VPS9D1: variants seen among roughly 807,000 people sequenced by gnomAD.
VPS9D1 encodes the protein VPS9 domain-containing protein 1.
In VPS9D1, 78 loss-of-function variants were observed where a neutral mutation model predicts 75.8. The observed-to-expected ratio is 1.03, with a 90% CI of 0.86 to 1.24. VPS9D1 has a LOEUF of 1.24. VPS9D1 is among the 50% of genes most tolerant of loss of function. The probability of loss-of-function intolerance (pLI) is 0.00; values close to 1 mark genes in which losing one functional copy is unlikely to be tolerated. For missense variants in VPS9D1, 1,057 were observed against 847.7 expected, an observed-to-expected ratio of 1.25 and a Z score of -3.07; for synonymous variants, 481 against 385.6, an observed-to-expected ratio of 1.25 and a Z score of -2.90.
At chr16:89,712,439 C>T (rs760120002) in intron 6 of VPS9D1, 21 bp downstream of exon 6, 1 of 1,612,384 alleles carries the variant, frequency 6.2e-7, no homozygotes, top group East Asian at 2.2e-5. Flanking sequence ...CGGGGACCAC[C>T]AGGGCGGTCA....
Position 89,708,527 on chromosome 16 carries a change from C to T in VPS9D1, c.1702G>A (p.Ala568Thr), listed in dbSNP as rs2060840750. The part of the protein sequence containing the change: ...PPPIAAAAIG[A>T]DDLLPILSFV... ...GACAGGATGGGCAGCAGGTCATCGG[C>T]ACCACTGTCGGGAGGGCATAGCGGC... Residue 568 changes from alanine to threonine, a missense_variant, in exon 14 of 15, where the codon GCC becomes ACC. Ala to Thr is a moderately conservative substitution (Grantham distance 58). Transcript: ENST00000389386. 1 of 1,612,670 alleles carries T rather than the reference C, an allele frequency of 6.2e-7. No homozygotes were observed. Among genetic ancestry groups the T allele is most frequent in the African/African-American group, 1.3e-5 (1 of 75,060 alleles).
chr16:89,718,389 C>T (rs1378033076), intron 2 of VPS9D1, among the ~76,000 whole-genome samples: 2 of 152,190 alleles, frequency 1.3e-5, no homozygotes, highest in African/African-American at 4.8e-5. Flanking sequence ...CCCAGTTCCA[C>T]CCAAGGCATG....
chr16:89,711,062 A>G, intron 9 of VPS9D1, 52 bp from the exon 10 acceptor site: 1 of 1,423,892 alleles, frequency 7.0e-7, no homozygotes, highest in Non-Finnish European at 9.2e-7. Flanking sequence ...TCTCCGTGGC[A>G]TCCACAGGTG....
rs373536871 is a variant in VPS9D1, at chr16:89,711,074, C to T, written c.834-64G>A. ...GCCTCTCCGTGGCATCCACAGGTGC[C>T]GCGCTATGCCCGGTTTCAGAGAAGC... On this transcript the variant is annotated intron_variant, in intron 9 of 14. Transcript: ENST00000389386. The T allele has an allele frequency of 1.6e-4, 230 of 1,408,276 alleles. No homozygotes were observed. In the African/African-American group the frequency reaches 3.1e-3, roughly 19 times the overall value. The allele number at this position is 1,408,276 out of a possible 1,614,324, so 87.2% of individuals were successfully genotyped here. A position where few individuals can be genotyped will look rare whatever the true frequency, so the allele number is the denominator to read the frequency against.
chr16:89,711,882 A>G lies in VPS9D1; in HGVS notation c.747T>C (p.His249=), dbSNP rs201251363. The change falls in exon 8 of 15, where the codon CAT becomes CAC. Residue 249 remains histidine (H), a splice_region_variant and synonymous_variant. Transcript: ENST00000389386. ...AAGCCTGGGCCCGTGGGGGACGCACATGGTCCTGTTCGTACTCCAGGATGG... is the reference window on the plus strand; with the variant it reads ...AAGCCTGGGCCCGTGGGGGACGCACGTGGTCCTGTTCGTACTCCAGGATGG... ...YAAILEYEQD[H]DWPKHWKAKL... is the part of the protein sequence containing the mutation. 1,431 of 1,550,402 alleles carry G rather than the reference A, an allele frequency of 9.2e-4. 7 individuals are homozygous for G. In the African/African-American group the frequency reaches 0.017, roughly 18 times the overall value.
At chr16:89,711,749 G>A in intron 8 of VPS9D1, 133 bp downstream of exon 8, 9 of 1,125,522 alleles carry the variant, frequency 8.0e-6, no homozygotes, top group South Asian at 1.6e-5. Context: ...CCTCCCACGG[G>A]CCTCTGGCCC....
At chr16:89,717,441 G>A (rs774924093) in intron 2 of VPS9D1, 14 of 405,248 alleles carry the variant, frequency 3.5e-5, no homozygotes, top group South Asian at 8.6e-5. Context: ...CTGCCTTCCC[G>A]TAGCTTGGCA....
At chr16:89,713,126 G>T (rs996635558) in intron 4 of VPS9D1, 2 of 154,736 alleles carry the variant, frequency 1.3e-5, no homozygotes, top group Admixed American at 6.5e-5. Context: ...AGTGAGCCGA[G>T]ATCTGGCCAC....
chr16:89,716,805 G>T lies in VPS9D1; in HGVS notation c.193C>A (p.Pro65Thr). The change falls in exon 3 of 15, where the codon CCC becomes ACC. Residue 65 changes from proline to threonine, a missense_variant. Coordinates refer to ENST00000389386, the MANE Select transcript of VPS9D1 (RefSeq NM_004913.3). ...TTCAGCATCTTGGAGGTGTCGGGGG[G>T]CACAGTTTCCCCAGCTTCTGGGGGA... ...ETTKEAGETV[P>T]PDTSKMLKLA... The T allele has an allele frequency of 6.3e-7, 1 of 1,592,524 alleles. No homozygotes were observed.
chr16:89,712,412 C>G lies in VPS9D1; in HGVS notation c.606+48G>C, dbSNP rs372199847. 6.0e-5 allele frequency: 97 copies of G among 1,609,052 alleles called. No individual in the cohort carries two copies. The African/African-American group carries it at 1.2e-3, about 21-fold the overall frequency. On this transcript the variant is annotated intron_variant, in intron 6 of 14. Transcript: ENST00000389386. ...CCCTTCTCTGCCCTTGGCTCAAGGC[C>G]ACACTGAGTTTCCCCTCGGGGACCA...
At chr16:89,711,050 C>G in intron 9 of VPS9D1, 40 bp from the exon 10 acceptor site, 2 of 1,431,262 alleles carry the variant, frequency 1.4e-6, no homozygotes, top group Non-Finnish European at 1.8e-6. Context: ...CCAGCCTCGG[C>G]CTCTCCGTGG....
chr16:89,712,992 C>T (rs929077022), intron 4 of VPS9D1: 4 of 268,028 alleles, frequency 1.5e-5, no homozygotes, highest in Admixed American at 1.0e-4. Context: ...CGAGACCAGC[C>T]TGGCCAACAT....
intron 6 of VPS9D1, 144 bp from the exon 7 acceptor site, chr16:89,712,243 G>A: frequency 7.3e-7 from 1 of 1,373,932 alleles, no homozygotes; most frequent in African/African-American, 1.5e-5. Flanking sequence ...TGGGGCAGAA[G>A]GCAGCCTGCG....
chr16:89,720,741 C>A, intron 1 of VPS9D1, 22 bp downstream of exon 1: 1 of 1,431,030 alleles, frequency 7.0e-7, no homozygotes, highest in Non-Finnish European at 9.2e-7. Flanking sequence ...AGCGGCCAAG[C>A]CCCGCCCCCG....
intron 2 of VPS9D1, chr16:89,717,829 CCT>C (rs775950471): frequency 6.6e-6 from 3 of 456,614 alleles, no homozygotes; most frequent in East Asian, 1.4e-4. Context: ...GTTAGCTCCC[CCT>C]GACCTGTGTG....
rs147405003 is a variant in VPS9D1, at chr16:89,711,292, C to G, written c.833+35G>C. The G allele has an allele frequency of 9.1e-4, 1,438 of 1,573,388 alleles. 11 individuals carry two copies. The African/African-American group carries it at 0.016, about 18-fold the overall frequency. ...CAGGCAGAGGTGCCCAAGGCCGGTG[C>G]GCAGGGGCTCTGTGGGGCCTGAAGG... On this transcript the variant is annotated intron_variant, in intron 9 of 14. Coordinates refer to ENST00000389386, the MANE Select transcript of VPS9D1 (RefSeq NM_004913.3).
At chr16:89,719,166 G>A (rs1421112450) in intron 1 of VPS9D1, 64 bp from the exon 2 acceptor site, 3 of 1,491,436 alleles carry the variant, frequency 2.0e-6, no homozygotes, top group South Asian at 2.3e-5. Flanking sequence ...CATTATTCCG[G>A]CCAGGTGCCC....
At chr16:89,715,990 C>G (rs1259936198) in intron 4 of VPS9D1, among the ~76,000 whole-genome samples, 1 of 150,886 alleles carries the variant, frequency 6.6e-6, no homozygotes, top group African/African-American at 2.4e-5. Context: ...TTGCTTGTGT[C>G]CGGCCAGGGG....
intron 2 of VPS9D1, chr16:89,717,672 C>T (rs1054064677): frequency 1.3e-5 from 6 of 456,472 alleles, no homozygotes; most frequent in Non-Finnish European, 2.6e-5. Flanking sequence ...CCCACCTTGC[C>T]AGACACGGTG....
Sources: gnomAD v4.1 joint callset for allele counts (sites outside exome capture counted in the v4.1 genomes callset) on GRCh38, gnomAD v4.1.1 for gene constraint, MANE v1.5 for transcripts, NCBI Gene and HGNC (gene_info 2026-07-23, HGNC 2026-07-21) for gene names.